Variants in SEMA3D observed in about 807,000 individuals in gnomAD.
The protein encoded by SEMA3D is semaphorin-3D.
SEMA3D carries 84 observed loss-of-function variants against 100.1 expected under a neutral mutation model. The observed-to-expected ratio is 0.84, with a 90% CI of 0.70 to 1.01. The LOEUF (loss-of-function observed/expected upper bound fraction) is 1.01. Among genes scored for constraint, SEMA3D ranks in the 50% least tolerant of loss-of-function variants. The probability of loss-of-function intolerance (pLI) is 0.00; values close to 1 mark genes in which losing one functional copy is unlikely to be tolerated. For missense variants in SEMA3D, 875 were observed against 934.1 expected (o/e 0.94, Z 0.82); for synonymous variants, 312 against 320.7 (o/e 0.97, Z 0.29).
chr7:85,023,460 C>G (rs1790310626), intron 12 of SEMA3D, among the ~76,000 whole-genome samples: 1 of 151,742 alleles, frequency 6.6e-6, no homozygotes, highest in African/African-American at 2.4e-5. Context: ...TCGTATAGAA[C>G]GATTCTTTTA....
chr7:85,090,338 G>A (rs2116277838), intron 4 of SEMA3D, among the ~76,000 whole-genome samples: 1 of 152,224 alleles, frequency 6.6e-6, no homozygotes, highest in Non-Finnish European at 1.5e-5. Flanking sequence ...CTGCACATCA[G>A]CACCCGGGCT....
intron 9 of SEMA3D, among the ~76,000 whole-genome samples, chr7:85,049,559 T>G (rs2116040134): frequency 6.6e-6 from 1 of 151,646 alleles, no homozygotes; most frequent in South Asian, 2.1e-4. Context: ...TAGGAATTTC[T>G]CAGACAGGAA....
At chr7:85,141,417 G>C (rs780426010) in intron 2 of SEMA3D, 46 of 983,992 alleles carry the variant, frequency 4.7e-5, no homozygotes, top group African/African-American at 5.3e-5. Context: ...TGTACTATTG[G>C]GGATTCTGTG....
At chr7:85,115,736 C>T (rs1383763456) in intron 3 of SEMA3D, among the ~76,000 whole-genome samples, 1 of 152,090 alleles carries the variant, frequency 6.6e-6, no homozygotes, top group African/African-American at 2.4e-5. Context: ...CACTTCTATA[C>T]TCTCAGAAAA....
chr7:85,187,793 AT>A, upstream of SEMA3D, among the ~76,000 whole-genome samples: 1 of 152,334 alleles, frequency 6.6e-6, no homozygotes, highest in South Asian at 2.1e-4. Context: ...ACTTCTACAG[AT>A]TCTGCAAAAA....
chr7:85,083,502 C>T (rs1219812515), intron 4 of SEMA3D, among the ~76,000 whole-genome samples: 1 of 152,224 alleles, frequency 6.6e-6, no homozygotes, highest in Non-Finnish European at 1.5e-5. Context: ...TCTGGTTGTT[C>T]CTTTGTTATT....
At chr7:85,154,969 T>C (rs1489120852) in intron 1 of SEMA3D, among the ~76,000 whole-genome samples, 2 of 152,188 alleles carry the variant, frequency 1.3e-5, no homozygotes, top group African/African-American at 4.8e-5. Flanking sequence ...AAGAATTGTG[T>C]CATGTTATTA....
chr7:85,182,471 A>C (rs7803825), intron 1 of SEMA3D, among the ~76,000 whole-genome samples: 70,684 of 152,028 alleles, frequency 0.46, 17,659 homozygotes, highest in East Asian at 0.72. Flanking sequence ...TAGTATTTAG[A>C]ATTTGTTCAG....
In SEMA3D at chr7:85,036,890, G is replaced by A; in HGVS notation, c.1190C>T (p.Thr397Ile). The change falls in exon 12 of 19, where the codon ACA (threonine) becomes ATA (isoleucine). Residue 397 changes from threonine (T) to isoleucine (I), a missense_variant and splice_region_variant. Physicochemically the swap from Thr to Ile is moderately conservative, Grantham distance 89. Transcript: ENST00000284136. ...TTGATTATTAAGTTGGATACATACT[G>A]TACCAGGCCGTGGATAAGGAATTCT... The part of the protein sequence containing the change: ...DGRIPYPRPG[T>I]CPSKTYDPLI... 6.2e-7 allele frequency: 1 copy of A among 1,611,852 alleles called. No individual in the cohort carries two copies. Among genetic ancestry groups the A allele is most frequent in the Non-Finnish European group, 8.5e-7 (1 of 1,178,320 alleles).
chr7:85,140,840 A>C (rs1339212124), intron 2 of SEMA3D: 2 of 863,306 alleles, frequency 2.3e-6, no homozygotes, highest in Non-Finnish European at 2.8e-6. Flanking sequence ...AGTTTTTCAC[A>C]TTCTACCATT....
intron 6 of SEMA3D, among the ~76,000 whole-genome samples, chr7:85,069,963 G>A (rs1256211507): frequency 1.3e-5 from 2 of 152,138 alleles, no homozygotes; most frequent in Non-Finnish European, 2.9e-5. Context: ...ATGGATGAAT[G>A]TTAAGTGACT....
chr7:85,097,445 A>ATTGTTAGG (rs1404602883), intron 4 of SEMA3D, among the ~76,000 whole-genome samples: 2 of 151,986 alleles, frequency 1.3e-5, no homozygotes, highest in East Asian at 3.9e-4. Context: ...TTTTACAACT[A>ATTGTTAGG]TTGTTAGGAT....
At chr7:85,074,762 G>C (rs909913008) in intron 5 of SEMA3D, among the ~76,000 whole-genome samples, 2 of 151,804 alleles carry the variant, frequency 1.3e-5, no homozygotes, top group Non-Finnish European at 2.9e-5. Context: ...AACTACAGGT[G>C]CAAGTCATCA....
chr7:85,095,296 A>T (rs1788515464), intron 4 of SEMA3D, among the ~76,000 whole-genome samples: 1 of 151,990 alleles, frequency 6.6e-6, no homozygotes, highest in Non-Finnish European at 1.5e-5. Flanking sequence ...ATGAATGATA[A>T]TGGCCTTTTT....
chr7:85,015,019 T>G, intron 16 of SEMA3D, 40 bp downstream of exon 16: 1 of 1,516,986 alleles, frequency 6.6e-7, no homozygotes, highest in Non-Finnish European at 9.1e-7. Context: ...ATTCAGCTTG[T>G]AGAAAGGAAG....
chr7:85,029,238 G>A, intron 12 of SEMA3D: 2 of 753,650 alleles, frequency 2.7e-6, no homozygotes, highest in Non-Finnish European at 4.9e-6. Context: ...TGATATTAAT[G>A]CCAAGGGCAT....
In SEMA3D at chr7:85,055,831, T is replaced by A; in HGVS notation, c.747A>T (p.Ile249=). Residue 249 remains isoleucine (I), a synonymous_variant, in exon 9 of 19, where the codon ATA becomes ATT. Transcript: ENST00000284136. Reference sequence around the variant, plus strand: ...CATCATCTGGATTGTAGGTGTCTGGTATGAAGAAAGTTCCAATAAATTTTG... The same window carrying A: ...CATCATCTGGATTGTAGGTGTCTGGAATGAAGAAAGTTCCAATAAATTTTG... ...NGAKFIGTFF[I]PDTYNPDDDK... 6.4e-7 allele frequency: 1 copy of A among 1,573,838 alleles called. No homozygotes were observed. Among genetic ancestry groups the A allele is most frequent in the South Asian group, 1.1e-5 (1 of 86,960 alleles).
the SEMA3D span, among the ~76,000 whole-genome samples, chr7:85,210,950 G>A: frequency 0.61 from 93,291 of 151,840 alleles, 29,023 homozygotes; most frequent in East Asian, 0.89. Context: ...AGTCTACTAA[G>A]AGACAGACAA....
chr7:85,067,905 AAATAT>A (rs1441930252), intron 7 of SEMA3D, among the ~76,000 whole-genome samples: 1 of 152,160 alleles, frequency 6.6e-6, no homozygotes, highest in African/African-American at 2.4e-5. Context: ...CCAGACATCT[AAATAT>A]AAAATTATAA....
Sources: gnomAD v4.1 joint callset for allele counts (sites outside exome capture counted in the v4.1 genomes callset) on GRCh38, gnomAD v4.1.1 for gene constraint, MANE v1.5 for transcripts, NCBI Gene and HGNC (gene_info 2026-07-23, HGNC 2026-07-21) for gene names.